Variants in RYR3 observed in about 807,000 individuals in gnomAD.
RYR3 encodes the protein brain ryanodine receptor-calcium release channel.
A neutral mutation model predicts 584.3 loss-of-function variants in RYR3; 207 were observed. The ratio of observed to expected loss-of-function variants is 0.35; its 90% CI spans 0.32 to 0.40. The LOEUF (loss-of-function observed/expected upper bound fraction) is 0.40. Ranked by LOEUF, RYR3 falls within the 10% of genes least tolerant of loss-of-function variation. The probability of loss-of-function intolerance (pLI) is 1.00; values close to 1 mark genes in which losing one functional copy is unlikely to be tolerated. For synonymous variants in RYR3, 2,416 were observed against 2,248.5 expected (o/e 1.07, Z -2.11); for missense variants, 5,616 against 6,089.2 (o/e 0.92, Z 2.59).
chr15:33,311,108 C>T lies in RYR3; in HGVS notation c.51+12C>T. On this transcript the variant is annotated intron_variant, in intron 1 of 103. Transcript: ENST00000634891. This position sits in a 1 kb window ranked among gnomAD's most constrained non-coding sequence, Gnocchi z 4.4. ...AGTTTCTGAGGACTGTGAGTCTCCG[C>T]GGCGGGGGCGAGGCCGTGGGCAGGT... 6.4e-7 allele frequency: 1 copy of T among 1,565,916 alleles called. No individual in the cohort carries two copies.
intron 57 of RYR3, among the ~76,000 whole-genome samples, chr15:33,751,063 C>T (rs990687296): frequency 1.3e-5 from 2 of 152,206 alleles, no homozygotes; most frequent in Non-Finnish European, 2.9e-5. Flanking sequence ...AGGACATGAA[C>T]TCATCCTTTT....
Position 33,388,543 on chromosome 15 carries a change from G to A in RYR3, c.51+77447G>A, listed in dbSNP as rs2041783106. 2.6e-5 allele frequency among the ~76,000 whole-genome samples: 4 copies of A among 152,012 alleles called. No individual in the cohort carries two copies. The South Asian group carries it at 6.2e-4, about 24-fold the overall frequency. On this transcript the variant is annotated intron_variant, in intron 1 of 103. Coordinates refer to ENST00000634891, the MANE Select transcript of RYR3 (RefSeq NM_001036.6). ...ACCTTTAATTTCCTAGATCATATAA[G>A]GAAGCAATACAAACATTGCAAGAAT...
intron 70 of RYR3, among the ~76,000 whole-genome samples, chr15:33,808,028 C>A (rs1360557110): frequency 3.9e-5 from 6 of 152,168 alleles, no homozygotes; most frequent in Admixed American, 3.9e-4. Flanking sequence ...CCAAAGCCTA[C>A]CCTGGGAGAA....
intron 1 of RYR3, among the ~76,000 whole-genome samples, chr15:33,372,376 TTTTTTTTG>T (rs2040399613): frequency 6.9e-6 from 1 of 143,978 alleles, no homozygotes; most frequent in Non-Finnish European, 1.5e-5. Context: ...TTTTTTTTTT[TTTTTTTTG>T]GAGGTGGAGT....
intron 52 of RYR3, among the ~76,000 whole-genome samples, chr15:33,744,945 C>G (rs1340052898): frequency 2.6e-5 from 4 of 152,080 alleles, no homozygotes; most frequent in Non-Finnish European, 5.9e-5. Flanking sequence ...TTGACTATCC[C>G]CTGACAATAG....
chr15:33,606,145 CT>C (rs2059890903), intron 18 of RYR3, among the ~76,000 whole-genome samples: 2 of 152,218 alleles, frequency 1.3e-5, no homozygotes, highest in Admixed American at 6.5e-5. Context: ...AGTCCTAGCT[CT>C]GCCACTTAAT....
intron 1 of RYR3, among the ~76,000 whole-genome samples, chr15:33,443,041 TTAA>T (rs1161487495): frequency 6.6e-6 from 1 of 152,092 alleles, no homozygotes; most frequent in Non-Finnish European, 1.5e-5. Context: ...GGCAGATCAC[TTAA>T]GGTCAGGAGT....
intron 19 of RYR3, among the ~76,000 whole-genome samples, chr15:33,622,267 C>A (rs532974241): frequency 6.6e-6 from 1 of 152,322 alleles, no homozygotes; most frequent in South Asian, 2.1e-4. Context: ...TCATGGTGTT[C>A]TCACCCACGC....
chr15:33,670,300 C>A (rs1445903147), intron 37 of RYR3, 119 bp from the exon 38 acceptor site: 5 of 996,654 alleles, frequency 5.0e-6, no homozygotes, highest in African/African-American at 1.6e-5. Flanking sequence ...CTTTAGAAAG[C>A]CTGTAGTATC....
chr15:33,600,806 C>A (rs2059622858), intron 16 of RYR3, among the ~76,000 whole-genome samples: 1 of 152,172 alleles, frequency 6.6e-6, no homozygotes, highest in Non-Finnish European at 1.5e-5. Flanking sequence ...GATTCCCAAG[C>A]TTGCTACGTG....
chr15:33,763,068 C>T (rs774870573), intron 60 of RYR3, among the ~76,000 whole-genome samples: 1 of 152,150 alleles, frequency 6.6e-6, no homozygotes, highest in African/African-American at 2.4e-5. Context: ...TATCCATATG[C>T]AGAAAACTAA....
At chr15:33,709,031 C>T (rs74005965) in intron 43 of RYR3, among the ~76,000 whole-genome samples, 4,091 of 151,924 alleles carry the variant, frequency 0.027, 179 homozygotes, top group African/African-American at 0.094. Context: ...AGCAGGTAAT[C>T]GAAAAAGTTT....
intron 1 of RYR3, among the ~76,000 whole-genome samples, chr15:33,460,771 T>C (rs544641762): frequency 2.0e-5 from 3 of 151,718 alleles, no homozygotes; most frequent in Admixed American, 2.0e-4. Context: ...TTTTTAGGAG[T>C]TTATGAACTA....
Position 33,726,508 on chromosome 15 carries a change from T to C in RYR3, c.7033+2T>C. 6.3e-7 allele frequency: 1 copy of C among 1,587,312 alleles called. No homozygotes were observed. Among genetic ancestry groups the C allele is most frequent in the Non-Finnish European group, 8.6e-7 (1 of 1,166,608 alleles). On this transcript the variant is annotated splice_donor_variant, in intron 46 of 103. Transcript: ENST00000634891. LOFTEE classifies it high-confidence loss of function. ...TGAAACTGCCCTCCCTCAACAAAGG[T>C]AAGGGGAGTGACTGCAGGCTGCAGC...
At chr15:33,765,917 G>A (rs146340089) in intron 60 of RYR3, among the ~76,000 whole-genome samples, 2,643 of 152,242 alleles carry the variant, frequency 0.017, 35 homozygotes, top group Middle Eastern at 0.027. Flanking sequence ...TTTTCCAGAT[G>A]AAGAAATTGA....
chr15:33,693,744 G>C (rs2152760649), intron 38 of RYR3, among the ~76,000 whole-genome samples: 1 of 152,332 alleles, frequency 6.6e-6, no homozygotes, highest in East Asian at 1.9e-4. Context: ...CACTTTCATA[G>C]TTGAAGTTAT....
chr15:33,758,763 C>T (rs891505013), intron 60 of RYR3, among the ~76,000 whole-genome samples: 43 of 152,208 alleles, frequency 2.8e-4, no homozygotes, highest in African/African-American at 1.0e-3. Flanking sequence ...AACATAGCAG[C>T]GGATCTCCCA....
At chr15:33,418,437 G>C (rs937376895) in intron 1 of RYR3, among the ~76,000 whole-genome samples, 19 of 151,886 alleles carry the variant, frequency 1.3e-4, no homozygotes, top group Non-Finnish European at 2.5e-4. Flanking sequence ...AGAGAAAATG[G>C]CAAGAACATT....
chr15:33,393,220 A>C (rs1262607187), intron 1 of RYR3, among the ~76,000 whole-genome samples: 1 of 152,234 alleles, frequency 6.6e-6, no homozygotes, highest in East Asian at 1.9e-4. Flanking sequence ...ATAACAGCTG[A>C]CTTGAGTTAA....
Sources: gnomAD v4.1 joint callset for allele counts (sites outside exome capture counted in the v4.1 genomes callset) on GRCh38, gnomAD v4.1.1 for gene constraint, Gnocchi (gnomAD v3.1) non-coding constraint, MANE v1.5 for transcripts, NCBI Gene and HGNC (gene_info 2026-07-23, HGNC 2026-07-21) for gene names.